The following PCDHA3 variants were observed in gnomAD, a reference collection of about 807,000 sequenced individuals.
PCDHA3 encodes protocadherin alpha-3.
In PCDHA3, 41 loss-of-function variants were observed where a neutral mutation model predicts 62.2. The observed-to-expected ratio is 0.66, with a 90% CI of 0.51 to 0.86. The LOEUF (loss-of-function observed/expected upper bound fraction) is 0.86. PCDHA3 is among the 40% of genes least tolerant of loss of function. The probability of loss-of-function intolerance (pLI) is 0.00; values close to 1 mark genes in which losing one functional copy is unlikely to be tolerated. For missense variants in PCDHA3, 1,304 were observed against 1,241.2 expected, an observed-to-expected ratio of 1.05 and a Z score of -0.76; for synonymous variants, 640 against 555.4, an observed-to-expected ratio of 1.15 and a Z score of -2.14.
In PCDHA3 at chr5:140,870,824, G is replaced by A. The variant is rs1296646483; in HGVS notation, c.2394+67233G>A. On this transcript the variant is annotated intron_variant, in intron 1 of 3. Coordinates refer to ENST00000522353, the MANE Select transcript of PCDHA3 (RefSeq NM_018906.3). ...GCGACTCAGGCTGGCAGCGCGGGAG[G>A]CGCAGTTAACAAGCTAGTACCGCGG... 8.7e-6 allele frequency: 14 copies of A among 1,613,638 alleles called. No homozygotes were observed. The East Asian group carries it at 2.9e-4, about 33-fold the overall frequency.
intron 1 of PCDHA3, chr5:140,882,766 G>T: frequency 1.2e-6 from 2 of 1,614,184 alleles, no homozygotes; most frequent in South Asian, 2.2e-5. Context: ...GAGTAAACTC[G>T]GCATTGACCT....
intron 1 of PCDHA3, chr5:140,927,515 G>A (rs782499434): frequency 1.2e-6 from 2 of 1,614,100 alleles, no homozygotes; most frequent in South Asian, 1.1e-5. Flanking sequence ...GCTCGGGACG[G>A]CGGGCTACCT....
At chr5:140,840,887 T>C (rs1359040754) in intron 1 of PCDHA3, among the ~76,000 whole-genome samples, 2 of 151,984 alleles carry the variant, frequency 1.3e-5, no homozygotes, top group Non-Finnish European at 2.9e-5. Flanking sequence ...ATTTCTGATA[T>C]CCATGACATA....
chr5:140,968,694 G>A, intron 1 of PCDHA3: 1 of 1,614,092 alleles, frequency 6.2e-7, no homozygotes, highest in Non-Finnish European at 8.5e-7. Flanking sequence ...GGAGAAATTA[G>A]GACTACCAGG....
At chr5:140,827,173 A>G (rs1396480126) in intron 1 of PCDHA3, among the ~76,000 whole-genome samples, 1 of 152,190 alleles carries the variant, frequency 6.6e-6, no homozygotes, top group Non-Finnish European at 1.5e-5. Flanking sequence ...ATACCTCAAT[A>G]AAAGTCTTAT....
intron 1 of PCDHA3, chr5:140,828,295 C>G: frequency 6.2e-7 from 1 of 1,614,124 alleles, no homozygotes; most frequent in Non-Finnish European, 8.5e-7. Flanking sequence ...GGATGGCCTC[C>G]AAAGACCGCG....
intron 1 of PCDHA3, chr5:140,869,678 T>A: frequency 1.9e-6 from 3 of 1,613,496 alleles, no homozygotes; most frequent in East Asian, 4.5e-5. Flanking sequence ...ATTAAAAGAC[T>A]GTCACTTATT....
chr5:140,990,518 T>G (rs2097397992), intron 3 of PCDHA3, among the ~76,000 whole-genome samples: 1 of 152,314 alleles, frequency 6.6e-6, no homozygotes, highest in South Asian at 2.1e-4. Context: ...CTCTCTTGTC[T>G]TTTTTGACTG....
At chr5:140,882,092 A>C (rs59479) in intron 1 of PCDHA3, 748,334 of 1,137,016 alleles carry the variant, frequency 0.66, 247,467 homozygotes, top group African/African-American at 0.7. Flanking sequence ...CTTCACTGAG[A>C]ACGTTTCCGC....
chr5:140,960,519 G>C (rs188949970), intron 1 of PCDHA3, among the ~76,000 whole-genome samples: 19 of 152,198 alleles, frequency 1.2e-4, no homozygotes, highest in Admixed American at 1.2e-3. Context: ...AACATAATGG[G>C]TATAGGAAAG....
At chr5:140,884,469 C>A in intron 1 of PCDHA3, 1 of 1,613,766 alleles carries the variant, frequency 6.2e-7, no homozygotes, top group Non-Finnish European at 8.5e-7. Flanking sequence ...GCGTGCGCGC[C>A]GGGCAAGCCC....
intron 1 of PCDHA3, chr5:140,843,009 C>A: frequency 6.3e-7 from 1 of 1,595,058 alleles, no homozygotes; most frequent in Non-Finnish European, 8.6e-7. Flanking sequence ...GACAACGCGC[C>A]GGCACTGCTG....
chr5:140,801,470 C>A lies in PCDHA3; in HGVS notation c.273C>A (p.Asp91Glu), dbSNP rs781855381. ...NGILFVNSRI[D>E]REELCGRSAE... ...TTTTGTTTGTGAATTCTCGGATAGA[C>A]CGCGAGGAACTGTGCGGGCGGAGCG... Residue 91 changes from aspartate to glutamate, a missense_variant, in exon 1 of 4, where the codon GAC (aspartate) becomes GAA (glutamate). By Grantham distance (45) the Asp-to-Glu change is conservative (BLOSUM62 2). Transcript: ENST00000522353. 3 of 1,614,076 alleles carry A rather than the reference C, an allele frequency of 1.9e-6. No homozygotes were observed. Among genetic ancestry groups the A allele is most frequent in the South Asian group, 2.2e-5 (2 of 91,070 alleles).
At chr5:140,843,025 T>G in intron 1 of PCDHA3, 1 of 1,595,056 alleles carries the variant, frequency 6.3e-7, no homozygotes. Context: ...TGCTGGAGCC[T>G]CGGGTGGGTG....
chr5:140,944,346 C>A (rs2093644964), intron 1 of PCDHA3, among the ~76,000 whole-genome samples: 2 of 152,130 alleles, frequency 1.3e-5, no homozygotes, highest in African/African-American at 4.8e-5. Flanking sequence ...TGCCACCACA[C>A]CTGGCTAATT....
intron 1 of PCDHA3, chr5:140,813,180 C>T (rs1554126135): frequency 6.6e-6 from 1 of 152,106 alleles, no homozygotes; most frequent in African/African-American, 2.4e-5. Flanking sequence ...TGTTCAAGTC[C>T]TCTGCTTCCT....
At chr5:140,877,798 CT>C (rs782663782) in intron 1 of PCDHA3, 1 of 1,613,568 alleles carries the variant, frequency 6.2e-7, no homozygotes, top group Non-Finnish European at 8.5e-7. Context: ...CAGCCCAAGC[CT>C]TCAGCTGTCT....
Position 140,994,911 on chromosome 5 carries a change from A to G in PCDHA3, c.2542+12348A>G, listed in dbSNP as rs527704488. Among the ~76,000 whole-genome samples, 14 of 152,340 alleles carry G rather than the reference A, an allele frequency of 9.2e-5. No homozygotes were observed. The East Asian group carries it at 1.7e-3, about 19-fold the overall frequency. On this transcript the variant is annotated intron_variant, in intron 3 of 3. Transcript: ENST00000522353. ...AAATGAGATCAGAAATGTAGACTGGAATCAGATTTTGTAGGACCTTAAACA... is the reference window on the plus strand; with the variant it reads ...AAATGAGATCAGAAATGTAGACTGGGATCAGATTTTGTAGGACCTTAAACA...
At chr5:140,929,373 C>T (rs1563116244) in intron 1 of PCDHA3, 1 of 1,514,818 alleles carries the variant, frequency 6.6e-7, no homozygotes, top group Non-Finnish European at 8.8e-7. Context: ...GAGATGGCTG[C>T]TAGCTGTGTT....
Sources: allele counts gnomAD v4.1 joint callset (sites outside exome capture counted in the v4.1 genomes callset), GRCh38; gene constraint gnomAD v4.1.1; transcripts MANE v1.5; gene names NCBI Gene and HGNC (gene_info 2026-07-23, HGNC 2026-07-21).